THAP12: variants seen among roughly 807,000 people sequenced by gnomAD.
THAP12 encodes THAP domain containing 12, also known as 52 kDa repressor of the inhibitor of the protein kinase.
THAP12 carries 20 observed loss-of-function variants against 63.0 expected under a neutral mutation model. The observed-to-expected ratio is 0.32, with a 90% CI of 0.22 to 0.46. The LOEUF (loss-of-function observed/expected upper bound fraction) is 0.46. Among genes scored for constraint, THAP12 ranks in the 20% least tolerant of loss-of-function variants. The pLI is 1.00. For synonymous variants in THAP12, 264 were observed against 328.4 expected (o/e 0.80, Z 2.12); for missense variants, 568 against 908.2 (o/e 0.63, Z 4.81).
intron 2 of THAP12, among the ~76,000 whole-genome samples, chr11:76,362,301 A>G (rs562818527): frequency 1.3e-5 from 2 of 152,386 alleles, no homozygotes; most frequent in South Asian, 4.1e-4. Flanking sequence ...AACATGCCAA[A>G]CAAAAATAAC....
rs769518160 is a variant in THAP12 at position 76,351,448 on chromosome 11, G to C, written c.1702C>G (p.Leu568Val). 14 of 1,601,480 alleles carry C rather than the reference G, an allele frequency of 8.7e-6. No individual in the cohort carries two copies. Among genetic ancestry groups the C allele is most frequent in the Non-Finnish European group, 1.1e-5 (13 of 1,170,878 alleles). Residue 568 changes from leucine (L) to valine (V), a missense_variant, in exon 5 of 5, where the codon CTA becomes GTA. Transcript: ENST00000260045. Reference sequence around the variant, plus strand: ...TCTTTATAGTAACTCTCAGAGGTTAGCTGAGATTCCAAGTTACCCTGGTGA... The same window carrying C: ...TCTTTATAGTAACTCTCAGAGGTTACCTGAGATTCCAAGTTACCCTGGTGA... ...RAHQGNLESQ[L>V]TSESYYKETL...
chr11:76,357,733 C>T (rs970105248), intron 3 of THAP12: 2 of 152,196 alleles, frequency 1.3e-5, no homozygotes, highest in Admixed American at 6.5e-5. Flanking sequence ...AATAATTCCA[C>T]ATCTGGAAAC....
rs1270488340 is a variant in THAP12, at chr11:76,352,322, T to C, written c.828A>G (p.Leu276=). The C allele has an allele frequency of 1.2e-6, 2 of 1,611,910 alleles. No homozygotes were observed. Among genetic ancestry groups the C allele is most frequent in the South Asian group, 2.2e-5 (2 of 90,976 alleles). Residue 276 remains leucine, a synonymous_variant, in exon 5 of 5, where the codon CTA becomes CTG. Coordinates refer to ENST00000260045, the MANE Select transcript of THAP12 (RefSeq NM_004705.4). The stretch of plus-strand genomic sequence containing the variant: ...CATCAACAAACCTCACCAACACAGG[T>C]AGGTGCTCTTCCCCTGCTATGTCCA... ...DVVDIAGEEH[L]PVLVRFVDES... is the part of the protein sequence containing the mutation.
At chr11:76,366,710 T>A (rs1239092633) in intron 1 of THAP12, among the ~76,000 whole-genome samples, 1 of 150,956 alleles carries the variant, frequency 6.6e-6, no homozygotes, top group Non-Finnish European at 1.5e-5. Context: ...AGCAACTAGA[T>A]GTTCTTTAAA....
intron 3 of THAP12, chr11:76,356,965 C>T (rs1333617771): frequency 6.6e-6 from 1 of 152,058 alleles, no homozygotes; most frequent in Non-Finnish European, 1.5e-5. Context: ...TTGCTTGAAC[C>T]CGGGAGGCGG....
rs754853500 is a variant in THAP12, at chr11:76,351,631, C to G, written c.1519G>C (p.Val507Leu). 1.9e-6 allele frequency: 3 copies of G among 1,585,760 alleles called. No homozygotes were observed. The highest frequency in any genetic ancestry group is 2.6e-6 in the Non-Finnish European group (3 of 1,164,642). ...GKNLQGQTSDVFFAAGSLTAV... is the reference protein window; with the variant it reads ...GKNLQGQTSDLFFAAGSLTAV... ...GTCAAGCTACCGGCCGCAAAGAAGA[C>G]ATCAGAGGTTTGCCCCTGGAGGTTT... The change falls in exon 5 of 5, where the codon GTC becomes CTC. Residue 507 changes from valine to leucine, a missense_variant. Val to Leu is a conservative substitution (Grantham distance 32). Coordinates refer to ENST00000260045, the MANE Select transcript of THAP12 (RefSeq NM_004705.4).
chr11:76,351,452 A>G lies in THAP12; in HGVS notation c.1698T>C (p.Ser566=). 1 of 1,600,046 alleles carries G rather than the reference A, an allele frequency of 6.2e-7. No individual in the cohort carries two copies. The highest frequency in any genetic ancestry group is 1.7e-5 in the Admixed American group (1 of 59,776). Residue 566 remains serine, a synonymous_variant, in exon 5 of 5, where the codon TCT becomes TCC. Transcript: ENST00000260045. ...FRRAHQGNLE[S]QLTSESYYKE... is the part of the protein sequence containing the mutation. ...TATAGTAACTCTCAGAGGTTAGCTG[A>G]GATTCCAAGTTACCCTGGTGAGCTC...
At chr11:76,367,753 A>AT (rs996101603) in intron 1 of THAP12, among the ~76,000 whole-genome samples, 17 of 150,086 alleles carry the variant, frequency 1.1e-4, no homozygotes, top group African/African-American at 2.7e-4. Flanking sequence ...AAATCACAGT[A>AT]TTTTTTTTTT....
chr11:76,355,677 A>G, intron 3 of THAP12, 23 bp from the exon 4 acceptor site: 1 of 1,558,654 alleles, frequency 6.4e-7, no homozygotes, highest in Admixed American at 2.0e-5. Flanking sequence ...AAAAAAAAAG[A>G]AAAAAACAAA....
chr11:76,377,895 A>C (rs1198704756), intron 1 of THAP12, among the ~76,000 whole-genome samples: 1 of 152,218 alleles, frequency 6.6e-6, no homozygotes, highest in Non-Finnish European at 1.5e-5. Context: ...TGTTTAAAGA[A>C]AGAAGTCCTT....
At position 76,352,354 on chromosome 11, in the gene THAP12, C is replaced by T. The variant is rs1169353709; in HGVS notation, c.796G>A (p.Asp266Asn). ...TCTTCCCCTGCTATGTCCACTACAT[C>T]GTCAGTGATAATGGAAAAGAAGTGT... is the stretch of plus-strand genomic sequence containing the variant. ...DSHFFSIITD[D>N]VVDIAGEEHL... The change falls in exon 5 of 5, where the codon GAT (aspartate) becomes AAT (asparagine). Residue 266 changes from aspartate to asparagine, a missense_variant. Asp to Asn is a conservative substitution (Grantham distance 23). Coordinates refer to ENST00000260045, the MANE Select transcript of THAP12 (RefSeq NM_004705.4). 10 of 1,611,994 alleles carry T rather than the reference C, an allele frequency of 6.2e-6. No homozygotes were observed. Among genetic ancestry groups the T allele is most frequent in the Non-Finnish European group, 8.5e-6 (10 of 1,179,846 alleles).
In THAP12 at chr11:76,351,688, T is replaced by A; in HGVS notation, c.1462A>T (p.Asn488Tyr). Residue 488 changes from asparagine to tyrosine, a missense_variant, in exon 5 of 5, where the codon AAT becomes TAT. Physicochemically the swap from Asn to Tyr is moderately radical, Grantham distance 143. Coordinates refer to ENST00000260045, the MANE Select transcript of THAP12 (RefSeq NM_004705.4). ...DFIVTIVVLK[N>Y]VLSFTRAFGK... ...AAGGCTCTTGTAAAAGATAGGACAT[T>A]TTTAAGAACAACAATAGTAACAATG... is the stretch of plus-strand genomic sequence containing the variant. The A allele has an allele frequency of 1.3e-6, 2 of 1,590,314 alleles. No individual in the cohort carries two copies. The highest frequency in any genetic ancestry group is 1.7e-6 in the Non-Finnish European group (2 of 1,169,720).
intron 1 of THAP12, among the ~76,000 whole-genome samples, chr11:76,378,474 T>C (rs903404391): frequency 3.9e-5 from 6 of 152,148 alleles, no homozygotes; most frequent in Non-Finnish European, 8.8e-5. Context: ...GTCATGAAGA[T>C]TTATCTGTAT....
Position 76,351,784 on chromosome 11 carries a change from T to G in THAP12, c.1366A>C (p.Asn456His). ...GCTATATAGTTATTCCATCTAATATTTGTGTCACTATTTATACCATCTAAA... is the reference window on the plus strand; with the variant it reads ...GCTATATAGTTATTCCATCTAATATGTGTGTCACTATTTATACCATCTAAA... ...LCLDGINSDTNIRWNNYIAGR... is the reference protein window; with the variant it reads ...LCLDGINSDTHIRWNNYIAGR... Residue 456 changes from asparagine (N) to histidine (H), a missense_variant, in exon 5 of 5, where the codon AAT becomes CAT. Physicochemically the swap from Asn to His is moderately conservative, Grantham distance 68 (BLOSUM62 1). Transcript: ENST00000260045. The G allele has an allele frequency of 6.2e-7, 1 of 1,613,176 alleles. No homozygotes were observed. The highest frequency in any genetic ancestry group is 8.5e-7 in the Non-Finnish European group (1 of 1,179,444).
chr11:76,372,428 G>C (rs978665291), intron 1 of THAP12, among the ~76,000 whole-genome samples: 18 of 150,922 alleles, frequency 1.2e-4, no homozygotes, highest in Non-Finnish European at 2.7e-4. Flanking sequence ...AAGAGAGAGA[G>C]AGACAGGGCC....
intron 2 of THAP12, among the ~76,000 whole-genome samples, chr11:76,364,952 T>C (rs1946620974): frequency 6.6e-6 from 1 of 152,160 alleles, no homozygotes. Flanking sequence ...TTTATAATCA[T>C]CTAAAATTTT....
chr11:76,354,284 A>T (rs1287823539), intron 4 of THAP12, among the ~76,000 whole-genome samples: 2 of 152,166 alleles, frequency 1.3e-5, no homozygotes, highest in African/African-American at 4.8e-5. Context: ...CTCAAATCAG[A>T]TGACACTGCT....
chr11:76,365,292 TAAA>T (rs774462964), intron 2 of THAP12, among the ~76,000 whole-genome samples: 2 of 131,044 alleles, frequency 1.5e-5, no homozygotes. Flanking sequence ...AGACTGTCTT[TAAA>T]AAAAAAAAAA....
intron 2 of THAP12, among the ~76,000 whole-genome samples, chr11:76,362,117 G>A (rs1252964272): frequency 6.6e-6 from 1 of 152,138 alleles, no homozygotes; most frequent in African/African-American, 2.4e-5. Flanking sequence ...AAGACAAGAA[G>A]CTTATTAAGA....
Sources: gnomAD v4.1 joint callset for allele counts (sites outside exome capture counted in the v4.1 genomes callset) on GRCh38, gnomAD v4.1.1 for gene constraint, MANE v1.5 for transcripts, NCBI Gene and HGNC (gene_info 2026-07-23, HGNC 2026-07-21) for gene names.